The following LPP variants were observed in gnomAD, a reference collection of about 807,000 sequenced individuals.
The protein encoded by LPP is lipoma-preferred partner.
A neutral mutation model predicts 60.4 loss-of-function variants in LPP; 38 were observed. The ratio of observed to expected loss-of-function variants is 0.63; its 90% CI spans 0.49 to 0.83. The LOEUF (loss-of-function observed/expected upper bound fraction) is 0.83. LPP is among the 40% of genes least tolerant of loss of function. The probability of loss-of-function intolerance (pLI) is 0.00; values close to 1 mark genes in which losing one functional copy is unlikely to be tolerated. For synonymous variants in LPP, 328 were observed against 290.8 expected (o/e 1.13, Z -1.30); for missense variants, 902 against 783.6 (o/e 1.15, Z -1.80).
At chr3:188,281,831 A>G (rs1366000074) in intron 2 of LPP, among the ~76,000 whole-genome samples, 1 of 152,130 alleles carries the variant, frequency 6.6e-6, no homozygotes, top group African/African-American at 2.4e-5. Context: ...AAAAACCTCA[A>G]CAGTTATTTG....
intron 7 of LPP, among the ~76,000 whole-genome samples, chr3:188,707,370 A>G (rs1865681547): frequency 6.6e-6 from 1 of 152,108 alleles, no homozygotes; most frequent in African/African-American, 2.4e-5. Flanking sequence ...AAAAGACTAT[A>G]CATTTTATAT....
chr3:188,859,946 C>T (rs1244388572), intron 9 of LPP, among the ~76,000 whole-genome samples: 2 of 150,402 alleles, frequency 1.3e-5, no homozygotes, highest in African/African-American at 2.4e-5. Context: ...AAATCACAGT[C>T]ATAGGGGTGG....
rs114350431 is a variant in LPP, at chr3:188,728,185, C to T, written c.1240+19792C>T. 2.9e-3 allele frequency among the ~76,000 whole-genome samples: 447 copies of T among 152,144 alleles called. 1 individual carries two copies. Among genetic ancestry groups the T allele is most frequent in the Non-Finnish European group, 5.3e-3 (363 of 68,000 alleles). ...GATCCACTGAGAAAATATTATTACTCGGAGAAAATTTAGCTGATGGAGTGT... is the reference window on the plus strand; with the variant it reads ...GATCCACTGAGAAAATATTATTACTTGGAGAAAATTTAGCTGATGGAGTGT... On this transcript the variant is annotated intron_variant, in intron 8 of 11. Transcript: ENST00000617246.
intron 5 of LPP, among the ~76,000 whole-genome samples, chr3:188,489,228 C>T (rs1021737490): frequency 2.0e-5 from 3 of 152,128 alleles, no homozygotes; most frequent in Non-Finnish European, 4.4e-5. Context: ...GAATCACATT[C>T]GGAAGATGCA....
At chr3:188,858,851 A>G (rs905305558) in intron 9 of LPP, among the ~76,000 whole-genome samples, 34 of 152,096 alleles carry the variant, frequency 2.2e-4, no homozygotes, top group Admixed American at 1.3e-3. Flanking sequence ...GCACTTTGGG[A>G]GGCCGAGGTG....
chr3:188,590,286 T>C (rs62291682), intron 6 of LPP, among the ~76,000 whole-genome samples: 21,402 of 152,202 alleles, frequency 0.14, 1,912 homozygotes, highest in East Asian at 0.35. Flanking sequence ...AAAAGATGTA[T>C]TCTTGGCCAG....
chr3:188,607,641 T>C (rs1436753105), intron 6 of LPP, among the ~76,000 whole-genome samples: 1 of 151,784 alleles, frequency 6.6e-6, no homozygotes, highest in Non-Finnish European at 1.5e-5. Flanking sequence ...TTCATTTCGT[T>C]TTTGTTTTTG....
intron 5 of LPP, among the ~76,000 whole-genome samples, chr3:188,508,424 T>G (rs1412069202): frequency 1.3e-5 from 2 of 152,214 alleles, no homozygotes; most frequent in Non-Finnish European, 2.9e-5. Context: ...CATAAACAGC[T>G]CTGCCTAGAC....
intron 9 of LPP, among the ~76,000 whole-genome samples, chr3:188,836,234 TTAAACTC>T (rs1261641407): frequency 6.6e-6 from 1 of 152,234 alleles, no homozygotes; most frequent in Non-Finnish European, 1.5e-5. Flanking sequence ...ATCTTGAGCC[TTAAACTC>T]TTTGATGTTG....
At chr3:188,815,299 A>G (rs1577731860) in intron 9 of LPP, among the ~76,000 whole-genome samples, 1 of 152,178 alleles carries the variant, frequency 6.6e-6, no homozygotes, top group Non-Finnish European at 1.5e-5. Flanking sequence ...CAATGAACAC[A>G]CCAATACAAT....
At chr3:188,568,266 A>G (rs151255576) in intron 6 of LPP, 1 of 151,998 alleles carries the variant, frequency 6.6e-6, no homozygotes, top group Non-Finnish European at 1.5e-5. Context: ...GGATGCAAGC[A>G]TGTAAGACCT....
At chr3:188,445,496 G>A (rs560309993) in intron 4 of LPP, among the ~76,000 whole-genome samples, 1 of 152,218 alleles carries the variant, frequency 6.6e-6, no homozygotes, top group African/African-American at 2.4e-5. Context: ...TTGGGCAGTG[G>A]GAGACTAGGG....
At chr3:188,664,789 C>T (rs572501223) in intron 7 of LPP, among the ~76,000 whole-genome samples, 1 of 152,206 alleles carries the variant, frequency 6.6e-6, no homozygotes, top group East Asian at 1.9e-4. Flanking sequence ...TTTTCATGAG[C>T]TAGGTATAAA....
At chr3:188,821,588 T>G (rs1047752062) in intron 9 of LPP, among the ~76,000 whole-genome samples, 1 of 152,056 alleles carries the variant, frequency 6.6e-6, no homozygotes, top group Non-Finnish European at 1.5e-5. Flanking sequence ...TCTTTTAAAC[T>G]AAAATTACAA....
At chr3:188,477,138 T>C (rs1445655522) in intron 4 of LPP, among the ~76,000 whole-genome samples, 1 of 152,204 alleles carries the variant, frequency 6.6e-6, no homozygotes, top group Non-Finnish European at 1.5e-5. Context: ...CTCACACCAC[T>C]GTATCTTGGA....
chr3:188,253,810 T>A (rs149598486), intron 2 of LPP, among the ~76,000 whole-genome samples: 360 of 152,316 alleles, frequency 2.4e-3, no homozygotes, highest in African/African-American at 8.5e-3. Flanking sequence ...AAACCTGTAA[T>A]GCCCCTTCTT....
chr3:188,462,544 TTATATATATATATATA>T (rs71167102), intron 4 of LPP, among the ~76,000 whole-genome samples: 618 of 34,204 alleles, frequency 0.018, 24 homozygotes, highest in African/African-American at 0.045. Flanking sequence ...TATATGAGCT[TTATATATATATATATA>T]TATATATATA....
At chr3:188,351,629 A>G (rs1160719243) in intron 3 of LPP, among the ~76,000 whole-genome samples, 1 of 152,190 alleles carries the variant, frequency 6.6e-6, no homozygotes, top group Non-Finnish European at 1.5e-5. Context: ...CAAAAGCTAG[A>G]ATTCCCATTC....
intron 2 of LPP, among the ~76,000 whole-genome samples, chr3:188,252,850 C>T (rs1041994689): frequency 1.1e-4 from 17 of 152,302 alleles, no homozygotes; most frequent in South Asian, 2.1e-4. Flanking sequence ...CAACTCACTG[C>T]GATCTCCGCC....
Sources: allele counts gnomAD v4.1 joint callset (sites outside exome capture counted in the v4.1 genomes callset), GRCh38; gene constraint gnomAD v4.1.1; transcripts MANE v1.5; gene names NCBI Gene and HGNC (gene_info 2026-07-23, HGNC 2026-07-21).